Variants in RPUSD2 observed in about 807,000 individuals in gnomAD.
The protein encoded by RPUSD2 is RNA pseudouridine synthase domain containing 2, also known as pseudouridylate synthase RPUSD2.
In RPUSD2, 31 loss-of-function variants were observed where a neutral mutation model predicts 41.5. The ratio of observed to expected loss-of-function variants is 0.75; its 90% confidence interval spans 0.56 to 1.01. The LOEUF (loss-of-function observed/expected upper bound fraction) is 1.01, where lower values mean the gene tolerates loss of function less well. Ranked by LOEUF, RPUSD2 falls within the 50% of genes least tolerant of loss-of-function variation. RPUSD2 has a pLI of 0.00. For synonymous variants in RPUSD2, 305 were observed against 289.7 expected (o/e 1.05, Z -0.54); for missense variants, 749 against 724.7 (o/e 1.03, Z -0.38).
At position 40,574,382 on chromosome 15, in the gene RPUSD2, G is replaced by C; in HGVS notation, c.*121G>C. ...AGGAATGAGGACGGGCTTCTAAAGAGACCTGCTCATACTTGCTACCTCCTT... is the reference window on the plus strand; with the variant it reads ...AGGAATGAGGACGGGCTTCTAAAGACACCTGCTCATACTTGCTACCTCCTT... On this transcript the variant is annotated 3_prime_UTR_variant, in exon 3 of 3. Transcript: ENST00000315616. The C allele has an allele frequency of 1.1e-5, 13 of 1,236,130 alleles. No individual in the cohort carries two copies. Among genetic ancestry groups the C allele is most frequent in the Non-Finnish European group, 1.4e-5 (13 of 902,724 alleles). The allele number at this position is 1,236,130 out of a possible 1,614,324, so 76.6% of individuals were successfully genotyped here.
rs1210211942 is a variant in RPUSD2, at chr15:40,571,609, T to C, written c.612T>C (p.Asn204=). Residue 204 remains asparagine, a synonymous_variant, in exon 2 of 3, where the codon AAT becomes AAC. Coordinates refer to ENST00000315616, the MANE Select transcript of RPUSD2 (RefSeq NM_152260.3). ...VQDLNIVLKD[N]DFLRNTVHRH... Reference sequence around the variant, plus strand: ...ATTACCTATGTCTTTGACAGGACAATGATTTCTTGCGGAACACAGTGCACA... The same window carrying C: ...ATTACCTATGTCTTTGACAGGACAACGATTTCTTGCGGAACACAGTGCACA... 1.2e-6 allele frequency: 2 copies of C among 1,613,968 alleles called. No individual in the cohort carries two copies. The highest frequency in any genetic ancestry group is 3.3e-5 in the Admixed American group (2 of 60,014).
intron 1 of RPUSD2, among the ~76,000 whole-genome samples, chr15:40,570,234 C>A (rs1333476180): frequency 6.6e-6 from 1 of 152,194 alleles, no homozygotes. Context: ...TAAACACCGT[C>A]TTGTGGCAAG....
In RPUSD2 at chr15:40,569,837, G is replaced by A. The variant is rs1472667284; in HGVS notation, c.500G>A (p.Ser167Asn). 3 of 1,612,878 alleles carry A rather than the reference G, an allele frequency of 1.9e-6. No individual in the cohort carries two copies. Among genetic ancestry groups the A allele is most frequent in the South Asian group, 1.1e-5 (1 of 90,680 alleles). Residue 167 changes from serine (S) to asparagine (N), a missense_variant, in exon 1 of 3, where the codon AGT becomes AAT. Transcript: ENST00000315616. ...WVGHSLLHVF[S>N]TEFRAQPLAY... ...GGCCACAGCTTGCTGCACGTCTTCA[G>A]TACCGAGTTCCGAGCTCAGCCCCTG... is the stretch of plus-strand genomic sequence containing the variant.
rs773992031 is a variant in RPUSD2, at chr15:40,569,612, C to G, written c.275C>G (p.Ala92Gly). The change falls in exon 1 of 3, where the codon GCA (alanine) becomes GGA (glycine). Residue 92 changes from alanine to glycine, a missense_variant. Physicochemically the swap from Ala to Gly is moderately conservative, Grantham distance 60. Transcript: ENST00000315616. ...GTAGGCGGGGAGCATCCCTCGGCTG[C>G]AGCCCCAGGCCCGGGCAAGCATAAG... ...APVGGEHPSA[A>G]APGPGKHKKR... The G allele has an allele frequency of 2.0e-6, 3 of 1,533,018 alleles. No homozygotes were observed. The African/African-American group carries it at 4.1e-5, about 21-fold the overall frequency. 95.0% of individuals were successfully genotyped at this position (1,533,018 alleles called of 1,614,324 possible). A position where few individuals can be genotyped will look rare whatever the true frequency, so the allele number is the denominator to read the frequency against.
In RPUSD2 at chr15:40,571,821, G is replaced by A. The variant is rs1459835965; in HGVS notation, c.824G>A (p.Arg275His). Residue 275 changes from arginine (R) to histidine (H), a missense_variant, in exon 2 of 3, where the codon CGC (arginine) becomes CAC (histidine). Arg to His is a conservative substitution (Grantham distance 29). Transcript: ENST00000315616. ...KELHPLHRLDRLTSGVLMFAK... is the reference protein window; with the variant it reads ...KELHPLHRLDHLTSGVLMFAK... ...CTACACCCCTTGCATCGGCTTGACCGCCTTACCTCAGGGGTGCTTATGTTT... is the reference window on the plus strand; with the variant it reads ...CTACACCCCTTGCATCGGCTTGACCACCTTACCTCAGGGGTGCTTATGTTT... 12 of 1,614,096 alleles carry A rather than the reference G, an allele frequency of 7.4e-6. No individual in the cohort carries two copies. Among genetic ancestry groups the A allele is most frequent in the South Asian group, 5.5e-5 (5 of 91,082 alleles).
At chr15:40,572,587 C>T (rs1231553653) in intron 2 of RPUSD2, among the ~76,000 whole-genome samples, 1 of 151,576 alleles carries the variant, frequency 6.6e-6, no homozygotes, top group Non-Finnish European at 1.5e-5. Context: ...AAAAACTTAC[C>T]CTGGCATGGT....
Position 40,569,835 on chromosome 15 carries a change from C to G in RPUSD2, c.498C>G (p.Phe166Leu), listed in dbSNP as rs751887932. ...TGGGCCACAGCTTGCTGCACGTCTT[C>G]AGTACCGAGTTCCGAGCTCAGCCCC... The part of the protein sequence containing the change: ...RWVGHSLLHV[F>L]STEFRAQPLA... Residue 166 changes from phenylalanine (F) to leucine (L), a missense_variant, in exon 1 of 3, where the codon TTC becomes TTG. Transcript: ENST00000315616. 2 of 1,612,930 alleles carry G rather than the reference C, an allele frequency of 1.2e-6. No homozygotes were observed.
At chr15:40,570,911 C>G (rs1297579340) in intron 1 of RPUSD2, among the ~76,000 whole-genome samples, 1 of 152,038 alleles carries the variant, frequency 6.6e-6, no homozygotes, top group East Asian at 1.9e-4. Context: ...GGACTTAAGC[C>G]TTAGTTTTGT....
rs1402621139 is a variant in RPUSD2, at chr15:40,573,782, C to G, written c.1159C>G (p.Pro387Ala). ...QFLGHPILNDPIYNSVAWGPS... is the reference protein window; with the variant it reads ...QFLGHPILNDAIYNSVAWGPS... ...CTTGGGCCATCCCATTCTCAACGAC[C>G]CCATCTACAACTCAGTTGCCTGGGG... Residue 387 changes from proline to alanine, a missense_variant, in exon 3 of 3, where the codon CCC (proline) becomes GCC (alanine). Physicochemically the swap from Pro to Ala is conservative, Grantham distance 27 (BLOSUM62 -1). Transcript: ENST00000315616. 3 of 1,614,238 alleles carry G rather than the reference C, an allele frequency of 1.9e-6. No homozygotes were observed. Among genetic ancestry groups the G allele is most frequent in the Non-Finnish European group, 2.5e-6 (3 of 1,180,048 alleles).
chr15:40,572,091 T>C (rs1305670399), intron 2 of RPUSD2, among the ~76,000 whole-genome samples, 191 bp downstream of exon 2: 2 of 152,204 alleles, frequency 1.3e-5, no homozygotes, highest in Non-Finnish European at 2.9e-5. Flanking sequence ...AAAAAATCTT[T>C]AGAGATGGCA....
In RPUSD2 at chr15:40,571,907, C is replaced by A; in HGVS notation, c.903+7C>A. ...GCAGGTTCGGGACCGGCAGGTGAGT[C>A]AGGCTTTTGTCTCCTACAGGCCACT... On this transcript the variant is annotated splice_region_variant and intron_variant, in intron 2 of 2. Transcript: ENST00000315616. 1 of 1,611,526 alleles carries A rather than the reference C, an allele frequency of 6.2e-7. No homozygotes were observed. Among genetic ancestry groups the A allele is most frequent in the South Asian group, 1.1e-5 (1 of 90,942 alleles).
chr15:40,574,107 C>T lies in RPUSD2; in HGVS notation c.1484C>T (p.Thr495Ile), dbSNP rs748223689. Reference sequence around the variant, plus strand: ...GAAACAGATGTCATGAATCAAGAGACAGACCCACTCTGTGCAGAGTGCCGG... The same window carrying T: ...GAAACAGATGTCATGAATCAAGAGATAGACCCACTCTGTGCAGAGTGCCGG... ...AVETDVMNQE[T>I]DPLCAECRLV... Residue 495 changes from threonine to isoleucine, a missense_variant, in exon 3 of 3, where the codon ACA becomes ATA. Thr to Ile is a moderately conservative substitution (Grantham distance 89). Transcript: ENST00000315616. The T allele has an allele frequency of 6.2e-7, 1 of 1,614,116 alleles. No individual in the cohort carries two copies. The highest frequency in any genetic ancestry group is 1.3e-5 in the African/African-American group (1 of 74,934).
At position 40,569,706 on chromosome 15, in the gene RPUSD2, C is replaced by T. The variant is rs775007150; in HGVS notation, c.369C>T (p.Phe123=). The change falls in exon 1 of 3, where the codon TTC becomes TTT. Residue 123 remains phenylalanine, a synonymous_variant. Coordinates refer to ENST00000315616, the MANE Select transcript of RPUSD2 (RefSeq NM_152260.3). ...PPKKRRTGVS[F]GDEHFAETSY... is the part of the protein sequence containing the mutation. Reference sequence around the variant, plus strand: ...AGAAGCGGCGGACCGGGGTGAGCTTCGGAGATGAGCACTTTGCAGAAACCA... The same window carrying T: ...AGAAGCGGCGGACCGGGGTGAGCTTTGGAGATGAGCACTTTGCAGAAACCA... The T allele has an allele frequency of 3.2e-6, 5 of 1,580,224 alleles. No individual in the cohort carries two copies. The highest frequency in any genetic ancestry group is 2.7e-5 in the African/African-American group (2 of 74,540).
Position 40,574,331 on chromosome 15 carries a change from C to T in RPUSD2, c.*70C>T. On this transcript the variant is annotated 3_prime_UTR_variant, in exon 3 of 3. Coordinates refer to ENST00000315616, the MANE Select transcript of RPUSD2 (RefSeq NM_152260.3). ...TGGGCTATAGGGCAAGGGCTGACCC[C>T]ATGGGCTAGTACTTGGGGTTTCTAT... The T allele has an allele frequency of 1.3e-6, 2 of 1,532,484 alleles. No individual in the cohort carries two copies. The highest frequency in any genetic ancestry group is 1.3e-5 in the South Asian group (1 of 79,728). 94.9% of individuals were successfully genotyped at this position (1,532,484 alleles called of 1,614,324 possible).
chr15:40,571,925 A>G (rs771347595), intron 2 of RPUSD2, 25 bp downstream of exon 2: 3 of 1,606,052 alleles, frequency 1.9e-6, no homozygotes, highest in South Asian at 1.1e-5. Context: ...TGTCTCCTAC[A>G]GGCCACTTCT....
chr15:40,571,580 A>T (rs1406860338), intron 1 of RPUSD2, 24 bp from the exon 2 acceptor site: 1 of 1,609,558 alleles, frequency 6.2e-7, no homozygotes, highest in African/African-American at 1.3e-5. Flanking sequence ...CCCTAGGCTG[A>T]CTTATTACCT....
In RPUSD2 at chr15:40,569,585, C is replaced by T. The variant is rs1343086657; in HGVS notation, c.248C>T (p.Pro83Leu). Residue 83 changes from proline (P) to leucine (L), a missense_variant, in exon 1 of 3, where the codon CCA becomes CTA. Transcript: ENST00000315616. ...GCTGGCCGGGAAGTGGAGCCGGCCCCAGTAGGCGGGGAGCATCCCTCGGCT... is the reference window on the plus strand; with the variant it reads ...GCTGGCCGGGAAGTGGAGCCGGCCCTAGTAGGCGGGGAGCATCCCTCGGCT... ...KPAGREVEPA[P>L]VGGEHPSAAA... The T allele has an allele frequency of 1.3e-6, 2 of 1,535,380 alleles. No homozygotes were observed. Among genetic ancestry groups the T allele is most frequent in the East Asian group, 4.6e-5 (2 of 43,740 alleles).
Position 40,569,626 on chromosome 15 carries a change from G to C in RPUSD2, c.289G>C (p.Gly97Arg), listed in dbSNP as rs752173871. The change falls in exon 1 of 3, where the codon GGC (glycine) becomes CGC (arginine). Residue 97 changes from glycine to arginine, a missense_variant. By Grantham distance (125) the Gly-to-Arg change is moderately radical. Transcript: ENST00000315616. The stretch of plus-strand genomic sequence containing the variant: ...TCCCTCGGCTGCAGCCCCAGGCCCG[G>C]GCAAGCATAAGAAGCGGCGGGGCGC... ...EHPSAAAPGP[G>R]KHKKRRGATR... 1 of 1,539,946 alleles carries C rather than the reference G, an allele frequency of 6.5e-7. No homozygotes were observed. The highest frequency in any genetic ancestry group is 8.8e-7 in the Non-Finnish European group (1 of 1,141,488).
Position 40,569,910 on chromosome 15 carries a change from G to A in RPUSD2, c.573G>A (p.Glu191=), listed in dbSNP as rs1165253518. ...GGGCGGGCCGCCTGCAACTCAACGA[G>A]AAGCCGGTGCAGGACCTCAACATCG... is the stretch of plus-strand genomic sequence containing the variant. ...AVRAGRLQLN[E]KPVQDLNIVL... The change falls in exon 1 of 3, where the codon GAG becomes GAA. Residue 191 remains glutamate, a synonymous_variant. Transcript: ENST00000315616. 1 of 1,563,214 alleles carries A rather than the reference G, an allele frequency of 6.4e-7. No homozygotes were observed. The highest frequency in any genetic ancestry group is 8.7e-7 in the Non-Finnish European group (1 of 1,154,504).
Sources: allele counts gnomAD v4.1 joint callset (sites outside exome capture counted in the v4.1 genomes callset), GRCh38; gene constraint gnomAD v4.1.1; transcripts MANE v1.5; gene names NCBI Gene and HGNC (gene_info 2026-07-23, HGNC 2026-07-21).